CPQ: variants seen among roughly 807,000 people sequenced by gnomAD.
CPQ encodes carboxypeptidase Q.
A neutral mutation model predicts 45.7 loss-of-function variants in CPQ; 37 were observed. That is an observed-to-expected ratio of 0.81 (90% CI 0.62 to 1.07). CPQ has a LOEUF of 1.07. Ranked by LOEUF, CPQ falls within the 50% of genes least tolerant of loss-of-function variation. CPQ has a pLI of 0.00. For missense variants in CPQ, 537 were observed against 572.9 expected (o/e 0.94, Z 0.64); for synonymous variants, 186 against 205.8 (o/e 0.90, Z 0.82).
At chr8:97,118,164 T>G (rs1447649885) in intron 7 of CPQ, among the ~76,000 whole-genome samples, 2 of 152,198 alleles carry the variant, frequency 1.3e-5, no homozygotes, top group Non-Finnish European at 2.9e-5. Context: ...AAGAGATCAT[T>G]TATAAAATAG....
chr8:96,788,493 T>TAA (rs1238074497), intron 2 of CPQ, among the ~76,000 whole-genome samples: 1 of 152,108 alleles, frequency 6.6e-6, no homozygotes, highest in East Asian at 1.9e-4. Flanking sequence ...TGTCAGCTGT[T>TAA]ACAGTTTTGG....
At chr8:96,772,518 A>G (rs1810556921) in intron 1 of CPQ, among the ~76,000 whole-genome samples, 1 of 152,068 alleles carries the variant, frequency 6.6e-6, no homozygotes, top group Non-Finnish European at 1.5e-5. Flanking sequence ...TGGTGCCTTG[A>G]TGTGAATGAC....
At chr8:97,100,390 G>A (rs1158716350) in intron 7 of CPQ, among the ~76,000 whole-genome samples, 5 of 152,118 alleles carry the variant, frequency 3.3e-5, no homozygotes, top group Admixed American at 2.0e-4. Flanking sequence ...AGAGGAGCGG[G>A]CAAACCAGGC....
intron 5 of CPQ, among the ~76,000 whole-genome samples, chr8:96,979,310 A>G (rs564892849): frequency 6.6e-6 from 1 of 152,332 alleles, no homozygotes; most frequent in Admixed American, 6.5e-5. Flanking sequence ...TTTAACTGCT[A>G]AAGTACTATG....
At chr8:96,817,612 C>CTT (rs111392702) in intron 2 of CPQ, among the ~76,000 whole-genome samples, 4 of 145,246 alleles carry the variant, frequency 2.8e-5, no homozygotes, top group Admixed American at 6.9e-5. Flanking sequence ...TGGACTAGCA[C>CTT]TTTTTTTTTT....
intron 5 of CPQ, among the ~76,000 whole-genome samples, chr8:97,007,525 G>A (rs1563552560): frequency 6.6e-6 from 1 of 152,178 alleles, no homozygotes; most frequent in African/African-American, 2.4e-5. Context: ...CAAAATGGGA[G>A]TAATCACAGG....
At chr8:96,922,582 C>G (rs1456348439) in intron 4 of CPQ, among the ~76,000 whole-genome samples, 1 of 152,162 alleles carries the variant, frequency 6.6e-6, no homozygotes, top group Non-Finnish European at 1.5e-5. Context: ...AGGGACCATT[C>G]ATCATTTTCC....
intron 5 of CPQ, among the ~76,000 whole-genome samples, chr8:96,978,903 C>G (rs1813834477): frequency 1.3e-5 from 2 of 152,018 alleles, no homozygotes; most frequent in African/African-American, 4.8e-5. Flanking sequence ...CGTCTTATTT[C>G]AATAAGAAGC....
At chr8:96,717,029 A>ACG (rs1395634393) in intron 1 of CPQ, among the ~76,000 whole-genome samples, 3,506 of 12,862 alleles carry the variant, frequency 0.27, 477 homozygotes, top group African/African-American at 0.41. Context: ...ATATAAATAT[A>ACG]TATATATATA....
chr8:96,902,611 C>T (rs1812525345), intron 4 of CPQ, among the ~76,000 whole-genome samples: 1 of 152,160 alleles, frequency 6.6e-6, no homozygotes, highest in South Asian at 2.1e-4. Flanking sequence ...CTGCATCTTG[C>T]ACTGCACCAC....
At chr8:96,915,935 G>T (rs1307376094) in intron 4 of CPQ, among the ~76,000 whole-genome samples, 1 of 152,148 alleles carries the variant, frequency 6.6e-6, no homozygotes, top group East Asian at 1.9e-4. Flanking sequence ...GCCTGGAGGT[G>T]ATCACATGAT....
At chr8:96,929,863 T>C (rs2130917635) in intron 4 of CPQ, among the ~76,000 whole-genome samples, 1 of 152,328 alleles carries the variant, frequency 6.6e-6, no homozygotes, top group Non-Finnish European at 1.5e-5. Context: ...GGCAAAAGTT[T>C]CCTTACAGTA....
In CPQ at chr8:96,779,895, C is replaced by T. The variant is rs540635811; in HGVS notation, c.-34-4969C>T. 6.6e-5 allele frequency among the ~76,000 whole-genome samples: 10 copies of T among 152,110 alleles called. No individual in the cohort carries two copies. In the South Asian group the frequency reaches 1.7e-3, roughly 25 times the overall value. Reference sequence around the variant, plus strand: ...GCTTTAGTGGCTTTAGAAACCAGGACCCTATGCATATAAATAGTTGTAATA... The same window carrying T: ...GCTTTAGTGGCTTTAGAAACCAGGATCCTATGCATATAAATAGTTGTAATA... On this transcript the variant is annotated intron_variant, in intron 1 of 7. Transcript: ENST00000220763.
chr8:96,828,929 G>A (rs1402405437), intron 2 of CPQ, among the ~76,000 whole-genome samples: 2 of 152,006 alleles, frequency 1.3e-5, no homozygotes, highest in Non-Finnish European at 1.5e-5. Context: ...GGATTTTAAG[G>A]CAATCCAATT....
chr8:96,940,380 T>A (rs968810841), intron 4 of CPQ, among the ~76,000 whole-genome samples: 1 of 152,184 alleles, frequency 6.6e-6, no homozygotes, highest in Non-Finnish European at 1.5e-5. Context: ...TTTTACCAAA[T>A]TTGACTTTAA....
At chr8:96,799,063 C>A (rs1011620573) in intron 2 of CPQ, among the ~76,000 whole-genome samples, 1 of 152,170 alleles carries the variant, frequency 6.6e-6, no homozygotes, top group African/African-American at 2.4e-5. Flanking sequence ...TCTCATAGGT[C>A]TTTTGTGTCC....
chr8:96,764,000 A>G (rs1393409402), intron 1 of CPQ, among the ~76,000 whole-genome samples: 2 of 152,214 alleles, frequency 1.3e-5, no homozygotes, highest in African/African-American at 4.8e-5. Context: ...ATACACTTAC[A>G]TGGTCCAGCC....
At chr8:96,862,842 G>A (rs1811944783) in intron 3 of CPQ, among the ~76,000 whole-genome samples, 2 of 152,004 alleles carry the variant, frequency 1.3e-5, no homozygotes, top group Non-Finnish European at 2.9e-5. Context: ...CCTAAAAGAT[G>A]GCTGGCCCAC....
intron 3 of CPQ, among the ~76,000 whole-genome samples, chr8:96,836,419 A>G (rs1811532042): frequency 6.6e-6 from 1 of 152,212 alleles, no homozygotes; most frequent in Non-Finnish European, 1.5e-5. Context: ...ACTACATGTT[A>G]GAAAGTTATA....
Sources: gnomAD v4.1 joint callset for allele counts (sites outside exome capture counted in the v4.1 genomes callset) on GRCh38, gnomAD v4.1.1 for gene constraint, MANE v1.5 for transcripts, NCBI Gene and HGNC (gene_info 2026-07-23, HGNC 2026-07-21) for gene names.